TMC1: variants seen among roughly 807,000 people sequenced by gnomAD.
TMC1 encodes the protein transmembrane channel-like protein 1.
In TMC1, 84 loss-of-function variants were observed where a neutral mutation model predicts 105.8. That is an observed-to-expected ratio of 0.79 (90% CI 0.67 to 0.95). The LOEUF (loss-of-function observed/expected upper bound fraction) is 0.95. Among genes scored for constraint, TMC1 ranks in the 40% least tolerant of loss-of-function variants. The pLI, the probability that TMC1 is intolerant of heterozygous loss-of-function variation, is 0.00. For missense variants in TMC1, 817 were observed against 914.1 expected (o/e 0.89, Z 1.37); for synonymous variants, 315 against 311.5 (o/e 1.01, Z -0.12).
intron 1 of TMC1, among the ~76,000 whole-genome samples, chr9:72,542,189 G>C (rs543892086): frequency 6.6e-6 from 1 of 152,118 alleles, no homozygotes; most frequent in Non-Finnish European, 1.5e-5. Context: ...GGCCCGGCGC[G>C]GTGGCTCGTG....
chr9:72,606,539 C>T (rs1390416982), intron 2 of TMC1, among the ~76,000 whole-genome samples: 2 of 151,968 alleles, frequency 1.3e-5, no homozygotes, highest in East Asian at 1.9e-4. Flanking sequence ...TCTGCAGAAA[C>T]GTATGTACTT....
At chr9:72,525,377 G>A (rs1369604343) in intron 1 of TMC1, among the ~76,000 whole-genome samples, 2 of 152,184 alleles carry the variant, frequency 1.3e-5, no homozygotes, top group African/African-American at 4.8e-5. Flanking sequence ...TGGCTAAAAA[G>A]TGAACCAGAT....
intron 13 of TMC1, among the ~76,000 whole-genome samples, chr9:72,778,439 G>A (rs1248574536): frequency 2.0e-5 from 3 of 152,116 alleles, no homozygotes; most frequent in Middle Eastern, 3.2e-3. Flanking sequence ...AAATAGGCGT[G>A]GAGTAGCCCA....
intron 2 of TMC1, among the ~76,000 whole-genome samples, chr9:72,595,270 A>T (rs1273035716): frequency 6.6e-6 from 1 of 152,146 alleles, no homozygotes; most frequent in East Asian, 1.9e-4. Flanking sequence ...TGGTGTCCTC[A>T]CTAGACAGAA....
chr9:72,831,598 G>C (rs1051795749), intron 23 of TMC1, among the ~76,000 whole-genome samples: 2 of 151,714 alleles, frequency 1.3e-5, no homozygotes, highest in East Asian at 1.9e-4. Flanking sequence ...TCCCCCCACC[G>C]CACGACAGGC....
At chr9:72,572,471 T>A (rs1165754206) in intron 1 of TMC1, among the ~76,000 whole-genome samples, 1 of 152,166 alleles carries the variant, frequency 6.6e-6, no homozygotes, top group East Asian at 1.9e-4. Flanking sequence ...CTTTATTTTT[T>A]AGATATTGTT....
intron 1 of TMC1, among the ~76,000 whole-genome samples, chr9:72,568,188 C>T (rs1298274746): frequency 6.6e-6 from 1 of 151,932 alleles, no homozygotes; most frequent in Non-Finnish European, 1.5e-5. Flanking sequence ...CTTCTTTCTC[C>T]ACCACTTCTC....
chr9:72,751,078 TTATCTC>T lies in TMC1; in HGVS notation c.536-759_536-754del, dbSNP rs1004954993. On this transcript the variant is annotated intron_variant, in intron 10 of 23. Transcript: ENST00000297784. ...CCCTTCCCTCCTGTAGGACCTGCTATTATCTCTATCTCTATCTCCTGTCATCTACAT... is the reference window on the plus strand; with the variant it reads ...CCCTTCCCTCCTGTAGGACCTGCTATTATCTCTATCTCCTGTCATCTACAT... Among the ~76,000 whole-genome samples, 28 of 152,356 alleles carry T rather than the reference TTATCTC, an allele frequency of 1.8e-4. No homozygotes were observed. The South Asian group carries it at 4.1e-3, about 23-fold the overall frequency.
At chr9:72,738,866 G>C (rs1827342731) in intron 8 of TMC1, among the ~76,000 whole-genome samples, 1 of 152,090 alleles carries the variant, frequency 6.6e-6, no homozygotes, top group Admixed American at 6.5e-5. Context: ...ATCCAGGCTT[G>C]GGTTATCTGT....
intron 23 of TMC1, 70 bp downstream of exon 23, chr9:72,830,752 T>C: frequency 1.4e-6 from 2 of 1,398,256 alleles, no homozygotes; most frequent in Middle Eastern, 2.3e-4. Flanking sequence ...TTTTTTTTTT[T>C]TTGCTTTTTC....
At chr9:72,683,445 CT>C (rs1389443227) in intron 5 of TMC1, among the ~76,000 whole-genome samples, 1 of 151,666 alleles carries the variant, frequency 6.6e-6, no homozygotes, top group East Asian at 1.9e-4. Context: ...ACTGAATGAC[CT>C]TATACCTAGA....
intron 2 of TMC1, among the ~76,000 whole-genome samples, chr9:72,602,890 A>G (rs1824841997): frequency 6.6e-6 from 1 of 152,210 alleles, no homozygotes; most frequent in South Asian, 2.1e-4. Flanking sequence ...CTGACTCATA[A>G]CAAAAATAAA....
chr9:72,543,417 T>C (rs774545985), intron 1 of TMC1, among the ~76,000 whole-genome samples: 22 of 152,232 alleles, frequency 1.4e-4, no homozygotes, highest in Non-Finnish European at 2.2e-4. Context: ...AACCTTCTTA[T>C]TGGTCTTCAT....
intron 2 of TMC1, chr9:72,608,041 A>G (rs1286600091): frequency 2.6e-5 from 4 of 152,200 alleles, no homozygotes; most frequent in Non-Finnish European, 5.9e-5. Context: ...CCAATTGTAA[A>G]GTAAATTGAG....
chr9:72,735,002 T>C (rs1046732738), intron 8 of TMC1, among the ~76,000 whole-genome samples: 4 of 152,242 alleles, frequency 2.6e-5, no homozygotes, highest in Admixed American at 6.5e-5. Context: ...CAGTGTGTGC[T>C]TCTTCAACTA....
chr9:72,576,598 C>A (rs1419951309), intron 1 of TMC1, among the ~76,000 whole-genome samples: 1 of 151,742 alleles, frequency 6.6e-6, no homozygotes, highest in African/African-American at 2.4e-5. Context: ...TTGACCAGCC[C>A]CTCCCTGGAC....
chr9:72,623,584 T>G (rs1825294314), intron 3 of TMC1, among the ~76,000 whole-genome samples: 1 of 152,138 alleles, frequency 6.6e-6, no homozygotes, highest in Non-Finnish European at 1.5e-5. Flanking sequence ...TTTATGGTCA[T>G]TCACTGGGAG....
chr9:72,810,131 T>C (rs1445584842), intron 18 of TMC1, among the ~76,000 whole-genome samples: 17 of 117,284 alleles, frequency 1.4e-4, no homozygotes, highest in Admixed American at 5.6e-4. Flanking sequence ...AATCCAGGCA[T>C]AGATTAAAAA....
intron 15 of TMC1, among the ~76,000 whole-genome samples, chr9:72,791,444 C>T (rs1828265368): frequency 6.6e-6 from 1 of 152,216 alleles, no homozygotes; most frequent in South Asian, 2.1e-4. Context: ...TTCATCCATT[C>T]TAACTGATTA....
Sources: allele counts gnomAD v4.1 joint callset (sites outside exome capture counted in the v4.1 genomes callset), GRCh38; gene constraint gnomAD v4.1.1; transcripts MANE v1.5; gene names NCBI Gene and HGNC (gene_info 2026-07-23, HGNC 2026-07-21).